ZMIZ2: variants seen among roughly 807,000 people sequenced by gnomAD.
The protein encoded by ZMIZ2 is zinc finger MIZ-type containing 2.
Under a neutral mutation model 93.9 loss-of-function variants are expected in ZMIZ2, and 26 were observed. The observed-to-expected ratio is 0.28, with a 90% CI of 0.20 to 0.38. The LOEUF is 0.38. Among genes scored for constraint, ZMIZ2 ranks in the 10% least tolerant of loss-of-function variants. ZMIZ2 has a pLI of 1.00. For missense variants in ZMIZ2, 1,023 were observed against 1,235.0 expected (o/e 0.83, Z 2.57); for synonymous variants, 485 against 516.4 (o/e 0.94, Z 0.82).
In ZMIZ2 at chr7:44,757,459, T is replaced by C; in HGVS notation, c.450T>C (p.Ala150=). 6.2e-7 allele frequency: 1 copy of C among 1,607,348 alleles called. No homozygotes were observed. Among genetic ancestry groups the C allele is most frequent in the Non-Finnish European group, 8.5e-7 (1 of 1,179,634 alleles). ...CTGACTTCACGCAAGCGGCAGCTGC[T>C]GCAGCTGTGGCTGCTGCGGCAGCCA... ...PSTDFTQAAA[A]AAVAAAAATA... The change falls in exon 5 of 19, where the codon GCT becomes GCC. Residue 150 remains alanine, a synonymous_variant. Coordinates refer to ENST00000309315, the MANE Select transcript of ZMIZ2 (RefSeq NM_031449.4).
chr7:44,765,006 A>G lies in ZMIZ2; in HGVS notation c.1994A>G (p.Gln665Arg). 6.2e-7 allele frequency: 1 copy of G among 1,614,194 alleles called. No homozygotes were observed. The highest frequency in any genetic ancestry group is 2.2e-5 in the East Asian group (1 of 44,892). Residue 665 changes from glutamine to arginine, a missense_variant, in exon 15 of 19, where the codon CAG becomes CGG. Transcript: ENST00000309315. This position sits in a 1 kb window ranked among gnomAD's most constrained non-coding sequence, Gnocchi z 4.1. ...QYMLGILIYI[Q>R]NSDYEEITID... is the part of the protein sequence containing the mutation. Reference sequence around the variant, plus strand: ...ATGCTGGGCATCCTGATTTACATTCAGAAGTAAGCATCCTCTTCCTGTGAT... The same window carrying G: ...ATGCTGGGCATCCTGATTTACATTCGGAAGTAAGCATCCTCTTCCTGTGAT...
chr7:44,762,705 G>A (rs1263615460), intron 11 of ZMIZ2, among the ~76,000 whole-genome samples, 176 bp from the exon 12 acceptor site: 1 of 152,174 alleles, frequency 6.6e-6, no homozygotes, highest in African/African-American at 2.4e-5. Flanking sequence ...GCTGGATGGG[G>A]CCAAGCCACT....
rs1376266552 is a variant in ZMIZ2, at chr7:44,760,556, C to A, written c.1203C>A (p.Leu401=). ...QEVKSPFLPD[L]KPNLNSLHSS... The stretch of plus-strand genomic sequence containing the variant: ...TCAAGTCTCCCTTCTTGCCTGATCT[C>A]AAGCCCAACCTCAACTCCTTGCACT... Residue 401 remains leucine (L), a synonymous_variant, in exon 9 of 19, where the codon CTC becomes CTA. Coordinates refer to ENST00000309315, the MANE Select transcript of ZMIZ2 (RefSeq NM_031449.4). 6.2e-7 allele frequency: 1 copy of A among 1,614,002 alleles called. No homozygotes were observed. The highest frequency in any genetic ancestry group is 1.3e-5 in the African/African-American group (1 of 74,906).
At chr7:44,756,709 C>A in intron 3 of ZMIZ2, 170 bp downstream of exon 3, 1 of 789,394 alleles carries the variant, frequency 1.3e-6, no homozygotes, top group Non-Finnish European at 2.0e-6. Context: ...AGTCTTTGGA[C>A]ACTGGTTCTC....
rs1320123381 is a variant in ZMIZ2, at chr7:44,766,829, T to C, written c.2655+166T>C. Among the ~76,000 whole-genome samples the C allele has an allele frequency of 6.6e-6, 1 of 152,180 alleles. No individual in the cohort carries two copies. Among genetic ancestry groups the C allele is most frequent in the East Asian group, 1.9e-4 (1 of 5,192 alleles). On this transcript the variant is annotated intron_variant, in intron 18 of 18. Transcript: ENST00000309315. The surrounding 1 kb of genome is among the most constrained non-coding windows in gnomAD (Gnocchi z 4.4). ...TCATGAATTAGATACCTGGAGTAGC[T>C]GCGGGTGGGATGCGATGTACCACAT... is the stretch of plus-strand genomic sequence containing the variant.
At position 44,757,099 on chromosome 7, in the gene ZMIZ2, A is replaced by C; in HGVS notation, c.318A>C (p.Gln106His). Residue 106 changes from glutamine (Q) to histidine (H), a missense_variant, in exon 4 of 19, where the codon CAA becomes CAC. Physicochemically the swap from Gln to His is conservative, Grantham distance 24 (BLOSUM62 0). Coordinates refer to ENST00000309315, the MANE Select transcript of ZMIZ2 (RefSeq NM_031449.4). ...EGGANKGYVQ[Q>H]GVYSRGGYPG... is the part of the protein sequence containing the mutation. ...GCGCCAACAAGGGCTACGTGCAGCA[A>C]GGCGTGTACAGCCGCGGGGGCTACC... 1 of 1,603,012 alleles carries C rather than the reference A, an allele frequency of 6.2e-7. No individual in the cohort carries two copies. Among genetic ancestry groups the C allele is most frequent in the Non-Finnish European group, 8.5e-7 (1 of 1,177,032 alleles).
Position 44,761,629 on chromosome 7 carries a change from G to A in ZMIZ2, c.1385+36G>A, listed in dbSNP as rs1351258554. On this transcript the variant is annotated intron_variant, in intron 10 of 18. Transcript: ENST00000309315. The surrounding 1 kb of genome is among the most constrained non-coding windows in gnomAD (Gnocchi z 5.8). ...CCTGGCCCCCACCTGACCCCCACGA[G>A]GCTCTGTTCCTCCTCCCACACTCTC... 6.2e-7 allele frequency: 1 copy of A among 1,613,324 alleles called. No homozygotes were observed. The highest frequency in any genetic ancestry group is 1.1e-5 in the South Asian group (1 of 91,020).
At position 44,766,724 on chromosome 7, in the gene ZMIZ2, G is replaced by T; in HGVS notation, c.2655+61G>T. On this transcript the variant is annotated intron_variant, in intron 18 of 18. Coordinates refer to ENST00000309315, the MANE Select transcript of ZMIZ2 (RefSeq NM_031449.4). The surrounding 1 kb of genome is among the most constrained non-coding windows in gnomAD (Gnocchi z 4.4). ...AGCCAGGGCTAGAGGTGGTGTGTCT[G>T]TTCCAGGTGCGTTCTGGAAGGGAAG... 1 of 1,590,738 alleles carries T rather than the reference G, an allele frequency of 6.3e-7. No homozygotes were observed. The highest frequency in any genetic ancestry group is 8.6e-7 in the Non-Finnish European group (1 of 1,165,570).
At position 44,756,972 on chromosome 7, in the gene ZMIZ2, C is replaced by T; in HGVS notation, c.191C>T (p.Ala64Val). Residue 64 changes from alanine (A) to valine (V), a missense_variant, in exon 4 of 19, where the codon GCA becomes GTA. Ala to Val is a moderately conservative substitution (Grantham distance 64). Around this residue, in one of 3 missense-constraint regions of ZMIZ2, gnomAD observed 656 missense variants for 777.1 expected, o/e 0.84. Transcript: ENST00000309315. Reference protein sequence around the residue: ...SQVLGNPMGPAGSPSGSSMMP... With the variant: ...SQVLGNPMGPVGSPSGSSMMP... Reference sequence around the variant, plus strand: ...GTTTTGGGGAACCCCATGGGCCCTGCAGGGAGTCCCTCTGGCAGCTCCATG... The same window carrying T: ...GTTTTGGGGAACCCCATGGGCCCTGTAGGGAGTCCCTCTGGCAGCTCCATG... 1 of 1,611,956 alleles carries T rather than the reference C, an allele frequency of 6.2e-7. No homozygotes were observed. Among genetic ancestry groups the T allele is most frequent in the Non-Finnish European group, 8.5e-7 (1 of 1,179,328 alleles).
At chr7:44,753,218 T>A (rs946043751) in intron 1 of ZMIZ2, among the ~76,000 whole-genome samples, 48 of 152,118 alleles carry the variant, frequency 3.2e-4, no homozygotes, top group African/African-American at 1.2e-3. Flanking sequence ...TTAATTTTTT[T>A]TTTTTTTAGT....
chr7:44,760,051 G>A (rs1021473935), intron 7 of ZMIZ2, 100 bp from the exon 8 acceptor site: 10 of 1,197,306 alleles, frequency 8.4e-6, no homozygotes, highest in South Asian at 1.3e-5. Context: ...ACAAGAGAGT[G>A]TAAAGAAGAC....
At chr7:44,753,766 C>T (rs1391103105) in intron 1 of ZMIZ2, among the ~76,000 whole-genome samples, 1 of 152,142 alleles carries the variant, frequency 6.6e-6, no homozygotes, top group Non-Finnish European at 1.5e-5. Context: ...CAAAGATTTT[C>T]TCCTATATAT....
chr7:44,748,650 G>T (rs1339099460), upstream of ZMIZ2: 1 of 151,730 alleles, frequency 6.6e-6, no homozygotes, highest in East Asian at 1.9e-4. Flanking sequence ...GGGGCTGGGG[G>T]CGCAGGTCGC....
In ZMIZ2 at chr7:44,761,368, G is replaced by A; in HGVS notation, c.1241-81G>A. 6.5e-7 allele frequency: 1 copy of A among 1,548,532 alleles called. No homozygotes were observed. The highest frequency in any genetic ancestry group is 1.2e-5 in the South Asian group (1 of 82,352). ...AAGGTCCCTGCGGGGAAGGTGGCTGGGGAGCCGCTGCCCTCCTTGAGTGAC... is the reference window on the plus strand; with the variant it reads ...AAGGTCCCTGCGGGGAAGGTGGCTGAGGAGCCGCTGCCCTCCTTGAGTGAC... On this transcript the variant is annotated intron_variant, in intron 9 of 18. Coordinates refer to ENST00000309315, the MANE Select transcript of ZMIZ2 (RefSeq NM_031449.4). The surrounding 1 kb of genome is among the most constrained non-coding windows in gnomAD (Gnocchi z 5.8).
At chr7:44,753,267 TC>T (rs1409269298) in intron 1 of ZMIZ2, among the ~76,000 whole-genome samples, 6 of 152,024 alleles carry the variant, frequency 3.9e-5, no homozygotes, top group Admixed American at 2.6e-4. Context: ...GTTTTTTAAA[TC>T]ATGGTTCACT....
intron 11 of ZMIZ2, 107 bp downstream of exon 11, chr7:44,762,012 C>CCAG (rs1166616111): frequency 7.6e-7 from 1 of 1,310,070 alleles, no homozygotes; most frequent in Non-Finnish European, 1.0e-6. Context: ...GGGGCCTGGC[C>CCAG]CAGCGGCGCA....
At position 44,765,313 on chromosome 7, in the gene ZMIZ2, T is replaced by C. The variant is rs777228787; in HGVS notation, c.1998-22T>C. On this transcript the variant is annotated intron_variant, in intron 15 of 18. Transcript: ENST00000309315. This position sits in a 1 kb window ranked among gnomAD's most constrained non-coding sequence, Gnocchi z 4.1. The stretch of plus-strand genomic sequence containing the variant: ...CCAGCAGCAGGCCAGGAGGTAACCA[T>C]TCCCCACCTGTCCCTGCCCAGCTCT... 60 of 1,609,906 alleles carry C rather than the reference T, an allele frequency of 3.7e-5. No individual in the cohort carries two copies. The highest frequency in any genetic ancestry group is 3.8e-4 in the Middle Eastern group (2 of 5,224).
chr7:44,749,199 C>T lies in ZMIZ2; in HGVS notation c.-63+208C>T, dbSNP rs879407207. ...GCTAGAGGCTCTGCCGCCCACCTGCCGGCACCTGCCACGCGTGCGTCGTGG... is the reference window on the plus strand; with the variant it reads ...GCTAGAGGCTCTGCCGCCCACCTGCTGGCACCTGCCACGCGTGCGTCGTGG... On this transcript the variant is annotated intron_variant, in intron 1 of 18. Transcript: ENST00000309315. 8.5e-5 allele frequency among the ~76,000 whole-genome samples: 13 copies of T among 152,250 alleles called. No homozygotes were observed. The South Asian group carries it at 2.5e-3, about 29-fold the overall frequency.
At position 44,765,862 on chromosome 7, in the gene ZMIZ2, G is replaced by C. The variant is rs755581660; in HGVS notation, c.2242+283G>C. ...GGGCTCCTGGCTGGAACACCTCACAGGACTGGCCCCATCTGGGGCCCCCCT... is the reference window on the plus strand; with the variant it reads ...GGGCTCCTGGCTGGAACACCTCACACGACTGGCCCCATCTGGGGCCCCCCT... On this transcript the variant is annotated intron_variant, in intron 16 of 18. Transcript: ENST00000309315. This position sits in a 1 kb window ranked among gnomAD's most constrained non-coding sequence, Gnocchi z 4.1. 1.6e-6 allele frequency: 2 copies of C among 1,213,416 alleles called. No individual in the cohort carries two copies. The highest frequency in any genetic ancestry group is 2.2e-6 in the Non-Finnish European group (2 of 909,682). 75.2% of individuals were successfully genotyped at this position (1,213,416 alleles called of 1,614,324 possible). A position where few individuals can be genotyped will look rare whatever the true frequency, so the allele number is the denominator to read the frequency against.
Sources: gnomAD v4.1 joint callset for allele counts (sites outside exome capture counted in the v4.1 genomes callset) on GRCh38, gnomAD v4.1.1 for gene constraint, gnomAD v4.1.1 regional missense constraint, Gnocchi (gnomAD v3.1) non-coding constraint, MANE v1.5 for transcripts, NCBI Gene and HGNC (gene_info 2026-07-23, HGNC 2026-07-21) for gene names.